Variants in MARCHF11 observed in about 807,000 individuals in gnomAD.
MARCHF11 encodes the protein E3 ubiquitin-protein ligase MARCHF11.
Under a neutral mutation model 37.3 loss-of-function variants are expected in MARCHF11, and 29 were observed. The observed-to-expected ratio is 0.78, with a 90% CI of 0.58 to 1.06. The LOEUF (loss-of-function observed/expected upper bound fraction) is 1.06, where lower values mean the gene tolerates loss of function less well. MARCHF11 is among the 50% of genes least tolerant of loss of function. The pLI is 0.00. For missense variants in MARCHF11, 482 were observed against 533.4 expected (o/e 0.90, Z 0.95); for synonymous variants, 233 against 228.0 (o/e 1.02, Z -0.20).
At chr5:16,152,633 A>G (rs1185332355) in intron 2 of MARCHF11, among the ~76,000 whole-genome samples, 1 of 151,960 alleles carries the variant, frequency 6.6e-6, no homozygotes, top group East Asian at 1.9e-4. Flanking sequence ...CTCCCTCCCC[A>G]AAGTTTATGA....
chr5:16,078,052 A>G (rs1216683230), intron 3 of MARCHF11, among the ~76,000 whole-genome samples: 1 of 152,222 alleles, frequency 6.6e-6, no homozygotes, highest in East Asian at 1.9e-4. Flanking sequence ...GCTTCACTTT[A>G]TTGTTTATAT....
At chr5:16,155,034 C>T (rs552982541) in intron 2 of MARCHF11, among the ~76,000 whole-genome samples, 77 of 151,908 alleles carry the variant, frequency 5.1e-4, no homozygotes, top group Non-Finnish European at 7.7e-4. Context: ...GGGTTTGACA[C>T]ATCATTTTTA....
chr5:16,108,420 G>T (rs1238999725), intron 2 of MARCHF11, among the ~76,000 whole-genome samples: 1 of 152,198 alleles, frequency 6.6e-6, no homozygotes, highest in Non-Finnish European at 1.5e-5. Context: ...TTTATTAAAA[G>T]AAATAAGCTT....
chr5:16,114,541 T>C (rs971962282), intron 2 of MARCHF11, among the ~76,000 whole-genome samples: 2 of 152,222 alleles, frequency 1.3e-5, no homozygotes, highest in South Asian at 2.1e-4. Context: ...GAAAGCAGCA[T>C]TACCCTTGGT....
At chr5:16,159,507 T>C (rs147900175) in intron 2 of MARCHF11, among the ~76,000 whole-genome samples, 40 of 152,110 alleles carry the variant, frequency 2.6e-4, no homozygotes, top group Admixed American at 7.9e-4. Flanking sequence ...AAGAGCAATT[T>C]TGGCCTCACT....
At chr5:16,142,266 A>C (rs1011096273) in intron 2 of MARCHF11, among the ~76,000 whole-genome samples, 2 of 152,238 alleles carry the variant, frequency 1.3e-5, no homozygotes, top group African/African-American at 4.8e-5. Context: ...GGCACAAGCA[A>C]CCAAGAACTC....
At chr5:16,076,619 G>C (rs1736522663) in intron 3 of MARCHF11, among the ~76,000 whole-genome samples, 2 of 152,152 alleles carry the variant, frequency 1.3e-5, no homozygotes, top group Non-Finnish European at 2.9e-5. Context: ...TCAAGAGCCT[G>C]GTGGACAAGC....
intron 2 of MARCHF11, among the ~76,000 whole-genome samples, chr5:16,159,636 A>G (rs998494298): frequency 3.9e-5 from 6 of 151,996 alleles, no homozygotes; most frequent in Non-Finnish European, 8.8e-5. Flanking sequence ...TTAGAAAAAG[A>G]AAATTATTTC....
At position 16,067,743 on chromosome 5, in the gene MARCHF11, G is replaced by A. The variant is rs763667450; in HGVS notation, c.937C>T (p.Arg313Ter). 6 of 1,613,726 alleles carry A rather than the reference G, an allele frequency of 3.7e-6. No individual in the cohort carries two copies. The highest frequency in any genetic ancestry group is 5.1e-6 in the Non-Finnish European group (6 of 1,179,816). The change falls in exon 4 of 4, where the codon CGA (arginine) becomes TGA (stop). Residue 313 changes from arginine to a stop codon, truncating the protein, a stop_gained. Coordinates refer to ENST00000332432, the MANE Select transcript of MARCHF11 (RefSeq NM_001102562.3). LOFTEE classifies it high-confidence loss of function. Reference protein sequence around the residue: ...AAVYRVFKRWRAVNLHWDVLN... With the variant: ...AAVYRVFKRW ...ACATCCCAGTGCAAATTCACAGCTC[G>A]CCAGCGCTTAAACACTCTGTAAACT...
chr5:16,097,035 A>G (rs1242213060), intron 2 of MARCHF11, among the ~76,000 whole-genome samples: 1 of 152,214 alleles, frequency 6.6e-6, no homozygotes, highest in Non-Finnish European at 1.5e-5. Flanking sequence ...GATTTATAGT[A>G]TGATGATTTA....
At chr5:16,086,009 C>T (rs1418179219) in intron 3 of MARCHF11, among the ~76,000 whole-genome samples, 4 of 141,420 alleles carry the variant, frequency 2.8e-5, no homozygotes, top group Non-Finnish European at 6.1e-5. Context: ...TTCCACTTCT[C>T]AGAATTGTGC....
At chr5:16,129,873 C>A (rs114840359) in intron 2 of MARCHF11, among the ~76,000 whole-genome samples, 1 of 152,004 alleles carries the variant, frequency 6.6e-6, no homozygotes, top group Non-Finnish European at 1.5e-5. Flanking sequence ...AGATATGTTA[C>A]CAGAGCGAGG....
At chr5:16,144,101 T>C (rs1737763098) in intron 2 of MARCHF11, among the ~76,000 whole-genome samples, 1 of 152,116 alleles carries the variant, frequency 6.6e-6, no homozygotes. Context: ...ATCTTTGAAA[T>C]AGGACTAATA....
chr5:16,158,469 T>A (rs1036373758), intron 2 of MARCHF11, among the ~76,000 whole-genome samples: 3 of 151,930 alleles, frequency 2.0e-5, no homozygotes, highest in African/African-American at 7.2e-5. Context: ...AGGGACACTA[T>A]GTTAAGTGAA....
chr5:16,067,604 G>A lies in MARCHF11; in HGVS notation c.1076C>T (p.Pro359Leu), dbSNP rs767853496. 1.2e-6 allele frequency: 2 copies of A among 1,613,942 alleles called. No individual in the cohort carries two copies. Among genetic ancestry groups the A allele is most frequent in the Admixed American group, 1.7e-5 (1 of 60,012 alleles). Residue 359 changes from proline to leucine, a missense_variant, in exon 4 of 4, where the codon CCA (proline) becomes CTA (leucine). Coordinates refer to ENST00000332432, the MANE Select transcript of MARCHF11 (RefSeq NM_001102562.3). Reference protein sequence around the residue: ...TALRNRNLVHPTQLTSPRFQC... With the variant: ...TALRNRNLVHLTQLTSPRFQC... ...AAACCTTGGTGAGGTTAACTGAGTTGGGTGGACCAAGTTTCTGTTCCGCAG... is the reference window on the plus strand; with the variant it reads ...AAACCTTGGTGAGGTTAACTGAGTTAGGTGGACCAAGTTTCTGTTCCGCAG...
intron 3 of MARCHF11, among the ~76,000 whole-genome samples, chr5:16,090,663 T>A (rs1207324970): frequency 6.6e-6 from 1 of 152,032 alleles, no homozygotes; most frequent in Non-Finnish European, 1.5e-5. Context: ...AATATCTCAC[T>A]TTAAATGGGC....
chr5:16,097,611 C>T lies in MARCHF11; in HGVS notation c.694-6530G>A, dbSNP rs1436444405. Among the ~76,000 whole-genome samples the T allele has an allele frequency of 2.0e-5, 3 of 152,274 alleles. No individual in the cohort carries two copies. In the East Asian group the frequency reaches 5.8e-4, roughly 29 times the overall value. On this transcript the variant is annotated intron_variant, in intron 2 of 3. Coordinates refer to ENST00000332432, the MANE Select transcript of MARCHF11 (RefSeq NM_001102562.3). ...AGAGCATAAAGGAAATAGGTAACTT[C>T]CTTGGAAAACTTAATTACCAAAACT...
chr5:16,120,338 C>T (rs920807490), intron 2 of MARCHF11, among the ~76,000 whole-genome samples: 4 of 152,114 alleles, frequency 2.6e-5, no homozygotes, highest in African/African-American at 7.2e-5. Flanking sequence ...ACTTCTCACC[C>T]GCTTCATGGC....
intron 2 of MARCHF11, among the ~76,000 whole-genome samples, chr5:16,170,606 C>T (rs1487496098): frequency 1.3e-5 from 2 of 152,108 alleles, no homozygotes; most frequent in African/African-American, 4.8e-5. Flanking sequence ...AATATAACCT[C>T]CATGGTTCTT....
Sources: allele counts gnomAD v4.1 joint callset (sites outside exome capture counted in the v4.1 genomes callset), GRCh38; gene constraint gnomAD v4.1.1; transcripts MANE v1.5; gene names NCBI Gene and HGNC (gene_info 2026-07-23, HGNC 2026-07-21).